Variants in ZNF425 observed in about 807,000 individuals in gnomAD.
ZNF425 encodes the protein zinc finger protein 425.
Under a neutral mutation model 17.0 loss-of-function variants are expected in ZNF425, and 21 were observed. The observed-to-expected ratio is 1.23, with a 90% CI of 0.88 to 1.78. The LOEUF is 1.78. ZNF425 is among the 40% of genes most tolerant of loss of function. ZNF425 has a pLI of 0.00. For synonymous variants in ZNF425, 433 were observed against 384.1 expected (o/e 1.13, Z -1.49); for missense variants, 868 against 967.3 (o/e 0.90, Z 1.36).
chr7:149,125,098 G>T lies in ZNF425; in HGVS notation c.18+1098C>A, dbSNP rs188363876. ...AAGAGGAGAGAAAAAAAGAAAGCCTGGCTGTAGAAACAAAGCTTGGAGAAA... is the reference window on the plus strand; with the variant it reads ...AAGAGGAGAGAAAAAAAGAAAGCCTTGCTGTAGAAACAAAGCTTGGAGAAA... On this transcript the variant is annotated intron_variant, in intron 1 of 3. Transcript: ENST00000378061. Among the ~76,000 whole-genome samples, 3 of 152,276 alleles carry T rather than the reference G, an allele frequency of 2.0e-5. No homozygotes were observed. In the East Asian group the frequency reaches 5.8e-4, roughly 29 times the overall value.
At position 149,103,009 on chromosome 7, in the gene ZNF425, A is replaced by G. The variant is rs2129517606; in HGVS notation, c.*603T>C. The G allele has an allele frequency of 6.6e-6, 1 of 152,352 alleles. No individual in the cohort carries two copies. Among genetic ancestry groups the G allele is most frequent in the Admixed American group, 6.5e-5 (1 of 15,300 alleles). 9.4% of individuals were successfully genotyped at this position (152,352 alleles called of 1,614,324 possible). ...ACTCAGGCTGTAGTTTCTGAATTTA[A>G]TGAAGGGATTATTGGATGACACTGA... On this transcript the variant is annotated 3_prime_UTR_variant, in exon 4 of 4. Transcript: ENST00000378061.
At position 149,103,748 on chromosome 7, in the gene ZNF425, C is replaced by T. The variant is rs777063553; in HGVS notation, c.2123G>A (p.Ser708Asn). 1.2e-6 allele frequency: 2 copies of T among 1,614,224 alleles called. No individual in the cohort carries two copies. The highest frequency in any genetic ancestry group is 1.7e-6 in the Non-Finnish European group (2 of 1,180,042). ...ECGKGFLQKR[S>N]LKAHLCLHSG... ...GTGAAGGCACAGATGGGCCTTCAGGCTTCTCTTCTGGAGGAAGCCTTTGCC... is the reference window on the plus strand; with the variant it reads ...GTGAAGGCACAGATGGGCCTTCAGGTTTCTCTTCTGGAGGAAGCCTTTGCC... The change falls in exon 4 of 4, where the codon AGC becomes AAC. Residue 708 changes from serine to asparagine, a missense_variant. Coordinates refer to ENST00000378061, the MANE Select transcript of ZNF425 (RefSeq NM_001001661.3).
rs367825662 is a variant in ZNF425 at position 149,105,186 on chromosome 7, C to G, written c.685G>C (p.Gly229Arg). Residue 229 changes from glycine to arginine, a missense_variant, in exon 4 of 4, where the codon GGG becomes CGG. Physicochemically the swap from Gly to Arg is moderately radical, Grantham distance 125. This residue lies in a region of ZNF425 where 243 missense variants were observed against 265.2 expected (regional missense o/e 0.92). Transcript: ENST00000378061. ...RYPKYKNSSR[G>R]KSELRRTQRL... The stretch of plus-strand genomic sequence containing the variant: ...TGCGTCCGCCTGAGTTCGGACTTCC[C>G]TCTGGACGAGTTTTTGTACTTTGGG... 7.4e-6 allele frequency: 12 copies of G among 1,614,102 alleles called. No homozygotes were observed. Among genetic ancestry groups the G allele is most frequent in the Non-Finnish European group, 1.0e-5 (12 of 1,180,058 alleles).
intron 2 of ZNF425, among the ~76,000 whole-genome samples, chr7:149,115,229 C>T (rs1027787862): frequency 6.6e-6 from 1 of 150,486 alleles, no homozygotes; most frequent in Admixed American, 6.7e-5. Flanking sequence ...GGATTACAGG[C>T]ATGAGCCCCC....
intron 1 of ZNF425, 140 bp from the exon 2 acceptor site, chr7:149,118,488 G>T (rs1304806755): frequency 9.3e-7 from 1 of 1,070,014 alleles, no homozygotes; most frequent in Non-Finnish European, 1.4e-6. Context: ...AAACAACAAA[G>T]GGGTCACAAA....
chr7:149,119,846 C>T (rs186023045), intron 1 of ZNF425, among the ~76,000 whole-genome samples: 188 of 152,094 alleles, frequency 1.2e-3, no homozygotes, highest in African/African-American at 4.3e-3. Context: ...ATTTACATAG[C>T]GTTTATATTG....
Position 149,126,238 on chromosome 7 carries a change from G to A in ZNF425, c.-25C>T. ...TGGCGGTTCCGCACGAACCGGCCCT[G>A]CCTGGCACGGCCTCCCCTCCGCTCC... is the stretch of plus-strand genomic sequence containing the variant. On this transcript the variant is annotated 5_prime_UTR_variant, in exon 1 of 4. Coordinates refer to ENST00000378061, the MANE Select transcript of ZNF425 (RefSeq NM_001001661.3). 3 of 1,608,298 alleles carry A rather than the reference G, an allele frequency of 1.9e-6. No homozygotes were observed. The highest frequency in any genetic ancestry group is 1.1e-5 in the South Asian group (1 of 90,248).
At position 149,104,479 on chromosome 7, in the gene ZNF425, G is replaced by A; in HGVS notation, c.1392C>T (p.His464=). The change falls in exon 4 of 4, where the codon CAC becomes CAT. Residue 464 remains histidine, a synonymous_variant. Transcript: ENST00000378061. This position sits in a 1 kb window ranked among gnomAD's most constrained non-coding sequence, Gnocchi z 4.3. ...RNAMRAHQRL[H]SEQKPFPCAE... ...CGCAGGGGAAGGGCTTTTGCTCGCTGTGCAGGCGCTGGTGGGCGCGCATGG... is the reference window on the plus strand; with the variant it reads ...CGCAGGGGAAGGGCTTTTGCTCGCTATGCAGGCGCTGGTGGGCGCGCATGG... 6.3e-7 allele frequency: 1 copy of A among 1,598,326 alleles called. No homozygotes were observed. Among genetic ancestry groups the A allele is most frequent in the East Asian group, 2.2e-5 (1 of 44,796 alleles).
chr7:149,121,545 C>T (rs1406700666), intron 1 of ZNF425, among the ~76,000 whole-genome samples: 1 of 152,038 alleles, frequency 6.6e-6, no homozygotes, highest in Non-Finnish European at 1.5e-5. Flanking sequence ...GCGTGCCCCA[C>T]CATGCCCGGA....
rs1030522968 is a variant in ZNF425, at chr7:149,104,278, G to A, written c.1593C>T (p.Cys531=). 70 of 1,613,552 alleles carry A rather than the reference G, an allele frequency of 4.3e-5. No homozygotes were observed. Among genetic ancestry groups the A allele is most frequent in the Non-Finnish European group, 5.8e-5 (68 of 1,180,024 alleles). ...TTEKPFSCAE[C]GRSFRRRAHL... ...GCGCGCGTCGGCGGAAACTGCGGCC[G>A]CACTCGGCGCAGGAGAACGGCTTTT... Residue 531 remains cysteine, a synonymous_variant, in exon 4 of 4, where the codon TGC becomes TGT. Coordinates refer to ENST00000378061, the MANE Select transcript of ZNF425 (RefSeq NM_001001661.3). The surrounding 1 kb of genome is among the most constrained non-coding windows in gnomAD (Gnocchi z 4.3).
Position 149,104,226 on chromosome 7 carries a change from T to C in ZNF425, c.1645A>G (p.Ser549Gly). Residue 549 changes from serine to glycine, a missense_variant, in exon 4 of 4, where the codon AGT (serine) becomes GGT (glycine). Physicochemically the swap from Ser to Gly is moderately conservative, Grantham distance 56. Transcript: ENST00000378061. This position sits in a 1 kb window ranked among gnomAD's most constrained non-coding sequence, Gnocchi z 4.3. ...GGACACTGGAAGGGCTCCTCGCCAC[T>C]GTGAAGCCTCGTGTGCTCTGTGAGA... ...AHLTEHTRLH[S>G]GEEPFQCPEC... 4 of 1,613,444 alleles carry C rather than the reference T, an allele frequency of 2.5e-6. No individual in the cohort carries two copies. The highest frequency in any genetic ancestry group is 2.5e-6 in the Non-Finnish European group (3 of 1,179,620).
At chr7:149,119,113 T>A (rs1218601865) in intron 1 of ZNF425, among the ~76,000 whole-genome samples, 2 of 36,340 alleles carry the variant, frequency 5.5e-5, no homozygotes, top group African/African-American at 4.2e-5. Flanking sequence ...CAGCCTAGAT[T>A]TTTTTTTTTT....
In ZNF425 at chr7:149,104,573, C is replaced by T. The variant is rs199653761; in HGVS notation, c.1298G>A (p.Gly433Glu). 25 of 1,613,512 alleles carry T rather than the reference C, an allele frequency of 1.5e-5. No homozygotes were observed. In the East Asian group the frequency reaches 5.6e-4, roughly 36 times the overall value. ...FRLKRSLKAH[G>E]LQHIGKRPFQ... ...GGGCCGCTTCCCAATGTGCTGCAGC[C>T]CGTGGGCTTTCAGGCTTCTCTTGAG... Residue 433 changes from glycine (G) to glutamate (E), a missense_variant, in exon 4 of 4, where the codon GGG (glycine) becomes GAG (glutamate). By Grantham distance (98) the Gly-to-Glu change is moderately conservative (BLOSUM62 -2). This residue lies in a region of ZNF425 where 437 missense variants were observed against 444.2 expected (regional missense o/e 0.98). Transcript: ENST00000378061. This position sits in a 1 kb window ranked among gnomAD's most constrained non-coding sequence, Gnocchi z 4.3.
chr7:149,105,280 T>C lies in ZNF425; in HGVS notation c.591A>G (p.Lys197=). The C allele has an allele frequency of 3.1e-6, 5 of 1,614,198 alleles. No individual in the cohort carries two copies. Among genetic ancestry groups the C allele is most frequent in the Non-Finnish European group, 4.2e-6 (5 of 1,180,026 alleles). ...PRCYSCYVCR[K]VFQVRRDLLK... ...GCAAATCCCTCCTTACTTGGAAGACTTTCCTACAGACATAGCAGGAATAGC... is the reference window on the plus strand; with the variant it reads ...GCAAATCCCTCCTTACTTGGAAGACCTTCCTACAGACATAGCAGGAATAGC... Residue 197 remains lysine (K), a synonymous_variant, in exon 4 of 4, where the codon AAA becomes AAG. Transcript: ENST00000378061.
intron 3 of ZNF425, among the ~76,000 whole-genome samples, chr7:149,111,570 T>C (rs1456127413): frequency 1.9e-5 from 2 of 106,520 alleles, no homozygotes; most frequent in Non-Finnish European, 3.5e-5. Context: ...CCACCCTGGG[T>C]GACAGAGCAA....
chr7:149,108,634 C>G (rs947805952), intron 3 of ZNF425, among the ~76,000 whole-genome samples: 13 of 152,156 alleles, frequency 8.5e-5, no homozygotes, highest in South Asian at 4.1e-4. Flanking sequence ...TGGCTCACGC[C>G]TGTAATCCCA....
chr7:149,120,260 T>C lies in ZNF425; in HGVS notation c.19-1912A>G, dbSNP rs542718795. Among the ~76,000 whole-genome samples the C allele has an allele frequency of 2.6e-5, 4 of 152,312 alleles. No homozygotes were observed. The South Asian group carries it at 8.3e-4, about 32-fold the overall frequency. On this transcript the variant is annotated intron_variant, in intron 1 of 3. Transcript: ENST00000378061. ...AGCCGGGCATTGTGGCACATGCCTG[T>C]AGCCCCAGCTACTCGGGAGGCTGAG...
chr7:149,115,896 G>A lies in ZNF425; in HGVS notation c.145+2326C>T, dbSNP rs139823857. 5.8e-3 allele frequency among the ~76,000 whole-genome samples: 879 copies of A among 152,292 alleles called. 8 individuals are homozygous for A. Among genetic ancestry groups the A allele is most frequent in the African/African-American group, 0.021 (852 of 41,544 alleles). ...AATGTAGATCCCTGGGCCTGAGCCC[G>A]AACCTGCTAAATCCTAAGCGCTGGG... On this transcript the variant is annotated intron_variant, in intron 2 of 3. Coordinates refer to ENST00000378061, the MANE Select transcript of ZNF425 (RefSeq NM_001001661.3).
intron 2 of ZNF425, among the ~76,000 whole-genome samples, chr7:149,114,961 G>A (rs1326478838): frequency 4.2e-5 from 5 of 119,358 alleles, no homozygotes; most frequent in Non-Finnish European, 6.6e-5. Flanking sequence ...TTGAGACAGA[G>A]TCTTACTCTG....
Sources: allele counts gnomAD v4.1 joint callset (sites outside exome capture counted in the v4.1 genomes callset), GRCh38; gene constraint gnomAD v4.1.1; regional missense constraint gnomAD v4.1.1; non-coding constraint Gnocchi (gnomAD v3.1); transcripts MANE v1.5; gene names NCBI Gene and HGNC (gene_info 2026-07-23, HGNC 2026-07-21).